MDGA2: variants seen among roughly 807,000 people sequenced by gnomAD.
MDGA2 encodes the protein MAM domain-containing glycosylphosphatidylinositol anchor protein 2.
A neutral mutation model predicts 117.8 loss-of-function variants in MDGA2; 40 were observed. That is an observed-to-expected ratio of 0.34 (90% CI 0.26 to 0.44). The LOEUF (loss-of-function observed/expected upper bound fraction) is 0.44, where lower values mean the gene tolerates loss of function less well. MDGA2 is among the 20% of genes least tolerant of loss of function. The probability of loss-of-function intolerance (pLI) is 1.00; values close to 1 mark genes in which losing one functional copy is unlikely to be tolerated. For missense variants in MDGA2, 1,123 were observed against 1,250.6 expected (o/e 0.90, Z 1.54); for synonymous variants, 452 against 439.0 (o/e 1.03, Z -0.37).
At chr14:47,231,753 G>GA (rs61088338) in intron 2 of MDGA2, among the ~76,000 whole-genome samples, 80 of 142,992 alleles carry the variant, frequency 5.6e-4, no homozygotes, top group East Asian at 2.1e-3. Flanking sequence ...CTTCGTGTTG[G>GA]AAAAAAAAAA....
chr14:46,997,652 AC>A (rs1222561744), intron 8 of MDGA2, among the ~76,000 whole-genome samples: 1 of 152,098 alleles, frequency 6.6e-6, no homozygotes, highest in Non-Finnish European at 1.5e-5. Context: ...ATTTTCTTTC[AC>A]TTTTTTGTTG....
At chr14:47,106,713 G>C (rs539290237) in intron 5 of MDGA2, among the ~76,000 whole-genome samples, 2 of 151,654 alleles carry the variant, frequency 1.3e-5, no homozygotes, top group East Asian at 1.9e-4. Flanking sequence ...CCGAGCTTCC[G>C]GTAACTCTCA....
At chr14:47,568,028 C>T (rs1049581904) in intron 1 of MDGA2, among the ~76,000 whole-genome samples, 1 of 152,070 alleles carries the variant, frequency 6.6e-6, no homozygotes, top group Admixed American at 6.5e-5. Context: ...TCCACTAAAT[C>T]CCATTTTCCT....
At chr14:46,897,385 G>C (rs953300164) in intron 10 of MDGA2, among the ~76,000 whole-genome samples, 1 of 152,046 alleles carries the variant, frequency 6.6e-6, no homozygotes, top group Non-Finnish European at 1.5e-5. Context: ...AGAAACACGT[G>C]ATGTCTTATA....
chr14:47,104,191 T>A (rs868111041), intron 5 of MDGA2, among the ~76,000 whole-genome samples: 1 of 152,204 alleles, frequency 6.6e-6, no homozygotes, highest in Admixed American at 6.5e-5. Flanking sequence ...GTGACACTTA[T>A]GCTTCTCAGG....
chr14:47,604,567 T>C (rs1896708772), intron 1 of MDGA2, among the ~76,000 whole-genome samples: 1 of 142,858 alleles, frequency 7.0e-6, no homozygotes, highest in Non-Finnish European at 1.5e-5. Flanking sequence ...TGGCTTCAAG[T>C]GATCCTCTAG....
intron 1 of MDGA2, among the ~76,000 whole-genome samples, chr14:47,377,519 C>T (rs1156542941): frequency 6.6e-6 from 1 of 152,116 alleles, no homozygotes; most frequent in African/African-American, 2.4e-5. Context: ...CACCCTAATA[C>T]TGTGCTTTTC....
intron 3 of MDGA2, among the ~76,000 whole-genome samples, chr14:47,185,110 T>G (rs8004165): frequency 0.2 from 29,781 of 150,814 alleles, 3,069 homozygotes; most frequent in African/African-American, 0.23. Flanking sequence ...GAGACATACA[T>G]AAAATATGTT....
chr14:47,012,592 A>T, intron 8 of MDGA2, among the ~76,000 whole-genome samples: 1 of 152,212 alleles, frequency 6.6e-6, no homozygotes, highest in East Asian at 1.9e-4. Flanking sequence ...TAAACCAAAT[A>T]GTGCATATAA....
At chr14:47,234,672 G>C (rs574699501) in intron 2 of MDGA2, among the ~76,000 whole-genome samples, 2 of 152,176 alleles carry the variant, frequency 1.3e-5, no homozygotes, top group African/African-American at 4.8e-5. Flanking sequence ...GGCACTTCAT[G>C]ATAAGGATTT....
intron 3 of MDGA2, among the ~76,000 whole-genome samples, chr14:47,172,372 C>T (rs190705954): frequency 2.3e-4 from 35 of 152,228 alleles, no homozygotes; most frequent in Middle Eastern, 3.4e-3. Context: ...CCCTGACCCC[C>T]GAGAAGCCTA....
intron 1 of MDGA2, among the ~76,000 whole-genome samples, chr14:47,606,990 T>C (rs1055958649): frequency 6.6e-6 from 1 of 152,182 alleles, no homozygotes; most frequent in African/African-American, 2.4e-5. Context: ...TTCTAAATTT[T>C]AAATGGTAGA....
At chr14:47,226,905 TC>T (rs1273797241) in intron 2 of MDGA2, among the ~76,000 whole-genome samples, 1 of 152,200 alleles carries the variant, frequency 6.6e-6, no homozygotes. Flanking sequence ...TATACTGGGA[TC>T]CTTTCTGACT....
intron 10 of MDGA2, among the ~76,000 whole-genome samples, chr14:46,889,964 A>T (rs977183620): frequency 6.6e-6 from 1 of 152,042 alleles, no homozygotes; most frequent in Non-Finnish European, 1.5e-5. Flanking sequence ...GCCTTTCTTT[A>T]TCAGGGAATA....
At chr14:47,620,537 T>A (rs1897030443) in intron 1 of MDGA2, among the ~76,000 whole-genome samples, 1 of 152,218 alleles carries the variant, frequency 6.6e-6, no homozygotes, top group Non-Finnish European at 1.5e-5. Context: ...CTTCAAATAC[T>A]GATGAGAGGG....
At chr14:46,842,404 A>G (rs1251053054) in intron 16 of MDGA2, among the ~76,000 whole-genome samples, 1 of 152,186 alleles carries the variant, frequency 6.6e-6, no homozygotes, top group Non-Finnish European at 1.5e-5. Context: ...CCCGAAGTGG[A>G]TAAGCTTGAA....
intron 3 of MDGA2, among the ~76,000 whole-genome samples, chr14:47,183,095 T>C (rs1221187880): frequency 6.6e-6 from 1 of 152,172 alleles, no homozygotes; most frequent in East Asian, 1.9e-4. Flanking sequence ...GTATACATGT[T>C]CAAAATTAGA....
intron 5 of MDGA2, among the ~76,000 whole-genome samples, chr14:47,103,366 A>C (rs1880448697): frequency 6.6e-6 from 1 of 152,222 alleles, no homozygotes; most frequent in African/African-American, 2.4e-5. Context: ...TGAATATTTC[A>C]CAAAATAAAG....
chr14:47,090,632 G>C (rs8014531), intron 6 of MDGA2, among the ~76,000 whole-genome samples: 141,495 of 152,264 alleles, frequency 0.93, 65,817 homozygotes, highest in East Asian at 1. Context: ...CTTCCAGGGA[G>C]TGGGCCAGAT....
Sources: allele counts gnomAD v4.1 joint callset (sites outside exome capture counted in the v4.1 genomes callset), GRCh38; gene constraint gnomAD v4.1.1; transcripts MANE v1.5; gene names NCBI Gene and HGNC (gene_info 2026-07-23, HGNC 2026-07-21).